The following MARCHF3 variants were observed in gnomAD, a reference collection of about 807,000 sequenced individuals.
The protein encoded by MARCHF3 is membrane associated ring-CH-type finger 3.
A neutral mutation model predicts 24.2 loss-of-function variants in MARCHF3; 13 were observed. That is an observed-to-expected ratio of 0.54 (90% CI 0.35 to 0.85). The LOEUF is 0.85. MARCHF3 is among the 40% of genes least tolerant of loss of function. The pLI is 0.01. For synonymous variants in MARCHF3, 144 were observed against 137.3 expected (o/e 1.05, Z -0.34); for missense variants, 276 against 325.0 (o/e 0.85, Z 1.16).
intron 1 of MARCHF3, among the ~76,000 whole-genome samples, chr5:126,991,525 T>G (rs996965589): frequency 6.6e-6 from 1 of 152,154 alleles, no homozygotes; most frequent in Non-Finnish European, 1.5e-5. Flanking sequence ...TGTGCACATG[T>G]ACCCTAGAAC....
chr5:127,004,465 C>A (rs1487001354), intron 1 of MARCHF3, among the ~76,000 whole-genome samples: 1 of 152,116 alleles, frequency 6.6e-6, no homozygotes, highest in Non-Finnish European at 1.5e-5. Flanking sequence ...CCTATCATTT[C>A]TTTTTTATAG....
At chr5:126,887,466 C>G (rs1241474537) in intron 3 of MARCHF3, among the ~76,000 whole-genome samples, 1 of 152,296 alleles carries the variant, frequency 6.6e-6, no homozygotes, top group Non-Finnish European at 1.5e-5. Flanking sequence ...TACAAAAGTG[C>G]TAAAGAATCA....
intron 1 of MARCHF3, among the ~76,000 whole-genome samples, chr5:126,977,019 C>T (rs1268110180): frequency 2.0e-5 from 3 of 152,250 alleles, no homozygotes; most frequent in African/African-American, 4.8e-5. Context: ...TATCAGGCCA[C>T]ATTTGGAGGC....
Position 127,023,777 on chromosome 5 carries a change from TAA to T in MARCHF3, c.-57+6571_-57+6572del, listed in dbSNP as rs1246237451. Among the ~76,000 whole-genome samples the T allele has an allele frequency of 1.9e-3, 269 of 140,668 alleles. 4 individuals carry two copies. The East Asian group carries it at 0.02, about 10-fold the overall frequency. The allele number at this position is 140,668 out of a possible 152,430, so 92.3% of individuals were successfully genotyped here. ...ATAAATAAATAAATAAATAAATAAA[TAA>T]AAATAAAAAATAAAAAAAGGTTCCC... On this transcript the variant is annotated intron_variant, in intron 1 of 4. Coordinates refer to ENST00000308660, the MANE Select transcript of MARCHF3 (RefSeq NM_178450.5).
chr5:126,943,397 C>T (rs190083953), intron 1 of MARCHF3, among the ~76,000 whole-genome samples: 35 of 152,044 alleles, frequency 2.3e-4, no homozygotes, highest in Non-Finnish European at 3.7e-4. Context: ...GGGAAACATA[C>T]GGAGATCCCG....
chr5:127,024,278 CT>C (rs560759818), intron 1 of MARCHF3, among the ~76,000 whole-genome samples: 13 of 152,326 alleles, frequency 8.5e-5, no homozygotes, highest in African/African-American at 2.4e-4. Context: ...ACCATTCAAA[CT>C]TTTGGTGAAC....
At chr5:126,940,698 C>T (rs1428551187) in intron 1 of MARCHF3, among the ~76,000 whole-genome samples, 1 of 151,820 alleles carries the variant, frequency 6.6e-6, no homozygotes, top group Non-Finnish European at 1.5e-5. Flanking sequence ...CCACCCACCT[C>T]GGCCTCCCAA....
intron 3 of MARCHF3, among the ~76,000 whole-genome samples, chr5:126,907,685 C>T (rs1248956217): frequency 6.2e-5 from 9 of 145,896 alleles, no homozygotes; most frequent in Non-Finnish European, 1.4e-4. Flanking sequence ...AGATCTTCCT[C>T]CATCCTTTTA....
intron 1 of MARCHF3, among the ~76,000 whole-genome samples, chr5:127,009,331 T>C (rs1431209394): frequency 6.6e-6 from 1 of 152,200 alleles, no homozygotes; most frequent in Non-Finnish European, 1.5e-5. Flanking sequence ...GAAAAAAGAT[T>C]TGTTGACAAA....
chr5:126,870,723 G>A lies in MARCHF3; in HGVS notation c.672C>T (p.Leu224=). The A allele has an allele frequency of 1.9e-6, 3 of 1,614,238 alleles. No individual in the cohort carries two copies. The highest frequency in any genetic ancestry group is 1.1e-5 in the South Asian group (1 of 91,084). ...AAGGTACATTGACAGACTTTGGAAT[G>A]AGGAGAATCACCCTCTGATTGGTCC... is the stretch of plus-strand genomic sequence containing the variant. ...WRRTNQRVIL[L]IPKSVNVPSN... Residue 224 remains leucine, a synonymous_variant, in exon 5 of 5, where the codon CTC becomes CTT. Transcript: ENST00000308660.
At chr5:126,979,295 T>C (rs755735834) in intron 1 of MARCHF3, among the ~76,000 whole-genome samples, 1 of 152,344 alleles carries the variant, frequency 6.6e-6, no homozygotes, top group East Asian at 1.9e-4. Flanking sequence ...GCACAAAGCT[T>C]GGCAAACATC....
chr5:126,927,253 G>A (rs1339002819), intron 1 of MARCHF3, among the ~76,000 whole-genome samples: 2 of 152,148 alleles, frequency 1.3e-5, no homozygotes, highest in African/African-American at 2.4e-5. Context: ...CAAGGACCGA[G>A]TTACCCGAGA....
intron 1 of MARCHF3, among the ~76,000 whole-genome samples, chr5:126,955,272 T>G (rs995777731): frequency 6.6e-6 from 1 of 152,214 alleles, no homozygotes; most frequent in African/African-American, 2.4e-5. Context: ...TAAGAGACAT[T>G]AGGTCTCATC....
At chr5:127,006,654 A>G (rs975711108) in intron 1 of MARCHF3, among the ~76,000 whole-genome samples, 2 of 152,206 alleles carry the variant, frequency 1.3e-5, no homozygotes, top group African/African-American at 4.8e-5. Context: ...CATAAAGAGA[A>G]AGATGAATAT....
At chr5:126,971,479 A>G (rs1221686391) in intron 1 of MARCHF3, among the ~76,000 whole-genome samples, 9 of 151,594 alleles carry the variant, frequency 5.9e-5, no homozygotes, top group Non-Finnish European at 1.2e-4. Flanking sequence ...AAAAGAAAAA[A>G]CAAATGTTCT....
intron 1 of MARCHF3, among the ~76,000 whole-genome samples, chr5:126,920,932 C>T (rs1305930935): frequency 1.3e-5 from 2 of 151,888 alleles, no homozygotes; most frequent in East Asian, 1.9e-4. Context: ...TTATTCCATT[C>T]GTAGTGGGTG....
At chr5:126,960,363 T>C (rs933601305) in intron 1 of MARCHF3, among the ~76,000 whole-genome samples, 1 of 152,134 alleles carries the variant, frequency 6.6e-6, no homozygotes, top group Non-Finnish European at 1.5e-5. Flanking sequence ...ATTAGTTTAA[T>C]AGTCATAATG....
intron 1 of MARCHF3, among the ~76,000 whole-genome samples, chr5:126,988,408 C>T (rs10057084): frequency 0.46 from 70,009 of 152,076 alleles, 16,629 homozygotes; most frequent in East Asian, 0.67. Context: ...AAGTTCACCA[C>T]TCATATCTAA....
chr5:126,967,082 C>T (rs747359725), intron 1 of MARCHF3, among the ~76,000 whole-genome samples: 21 of 151,170 alleles, frequency 1.4e-4, no homozygotes, highest in East Asian at 3.9e-4. Context: ...TAGGAGTATA[C>T]ACTCCTATTT....
Sources: allele counts gnomAD v4.1 joint callset (sites outside exome capture counted in the v4.1 genomes callset), GRCh38; gene constraint gnomAD v4.1.1; transcripts MANE v1.5; gene names NCBI Gene and HGNC (gene_info 2026-07-23, HGNC 2026-07-21).